The following EPHX1 variants were observed in gnomAD, a reference collection of about 807,000 sequenced individuals.
EPHX1 encodes the protein epoxide hydrolase 1, also known as epoxide hydratase.
In EPHX1, 40 loss-of-function variants were observed where a neutral mutation model predicts 43.2. That is an observed-to-expected ratio of 0.93 (90% CI 0.72 to 1.21). EPHX1 has a LOEUF of 1.21. Ranked by LOEUF, EPHX1 falls within the 50% of genes most tolerant of loss-of-function variation. The pLI is 0.00. For missense variants in EPHX1, 550 were observed against 570.4 expected, an observed-to-expected ratio of 0.96 and a Z score of 0.36; for synonymous variants, 221 against 226.7, an observed-to-expected ratio of 0.98 and a Z score of 0.22.
intron 1 of EPHX1, among the ~76,000 whole-genome samples, chr1:225,825,164 G>A (rs879422721): frequency 6.6e-6 from 1 of 152,202 alleles, no homozygotes; most frequent in Non-Finnish European, 1.5e-5. Flanking sequence ...CCTTCTTTTA[G>A]ATGGGACTCG....
chr1:225,829,384 T>C (rs2102718729), intron 2 of EPHX1, among the ~76,000 whole-genome samples: 1 of 152,314 alleles, frequency 6.6e-6, no homozygotes, highest in South Asian at 2.1e-4. Context: ...GTGAGGATTG[T>C]TGTTCCCAAA....
At position 225,831,799 on chromosome 1, in the gene EPHX1, T is replaced by A; in HGVS notation, c.204T>A (p.Asp68Glu). The A allele has an allele frequency of 6.2e-7, 1 of 1,614,122 alleles. No homozygotes were observed. Among genetic ancestry groups the A allele is most frequent in the Non-Finnish European group, 8.5e-7 (1 of 1,180,032 alleles). The change falls in exon 3 of 9, where the codon GAT (aspartate) becomes GAA (glutamate). Residue 68 changes from aspartate to glutamate, a missense_variant. Asp to Glu is a conservative substitution (Grantham distance 45, BLOSUM62 2). Transcript: ENST00000272167. ...EEIHDLHQRIDKFRFTPPLED... is the reference protein window; with the variant it reads ...EEIHDLHQRIEKFRFTPPLED... ...TCCAGGACTTACACCAGAGGATCGATAAGTTCCGTTTCACCCCACCTTTGG... is the reference window on the plus strand; with the variant it reads ...TCCAGGACTTACACCAGAGGATCGAAAAGTTCCGTTTCACCCCACCTTTGG...
chr1:225,829,041 G>T (rs995799714), intron 2 of EPHX1, 129 bp downstream of exon 2: 6 of 1,128,192 alleles, frequency 5.3e-6, no homozygotes, highest in Non-Finnish European at 6.3e-6. Context: ...TTGGGAGTGT[G>T]TTTCAGTCTG....
At chr1:225,842,160 C>G (rs1005474591) in intron 6 of EPHX1, among the ~76,000 whole-genome samples, 1 of 152,226 alleles carries the variant, frequency 6.6e-6, no homozygotes, top group Non-Finnish European at 1.5e-5. Flanking sequence ...GGGAAGGTAT[C>G]GTCCCTGTTT....
chr1:225,842,531 C>T (rs1247906635), intron 7 of EPHX1, 57 bp downstream of exon 7: 1 of 1,187,982 alleles, frequency 8.4e-7, no homozygotes, highest in African/African-American at 1.5e-5. Context: ...CCAACCTCCT[C>T]ACCCTCTTCA....
intron 1 of EPHX1, among the ~76,000 whole-genome samples, chr1:225,821,130 G>A (rs570691351): frequency 6.6e-6 from 1 of 152,196 alleles, no homozygotes; most frequent in South Asian, 2.1e-4. Context: ...AAAATGAATT[G>A]TATGTTTTAA....
intron 1 of EPHX1, among the ~76,000 whole-genome samples, chr1:225,823,880 T>C (rs1667100683): frequency 6.6e-6 from 1 of 152,176 alleles, no homozygotes; most frequent in Admixed American, 6.5e-5. Context: ...TTGTCGGAGA[T>C]CTGGCCAGGC....
chr1:225,814,384 G>A (rs1451610753), intron 1 of EPHX1, among the ~76,000 whole-genome samples: 14 of 152,206 alleles, frequency 9.2e-5, no homozygotes, highest in Non-Finnish European at 2.1e-4. Flanking sequence ...TTTTTAAAAA[G>A]AAAAACTACC....
intron 3 of EPHX1, among the ~76,000 whole-genome samples, chr1:225,834,459 G>A (rs1667848443): frequency 6.6e-6 from 1 of 151,972 alleles, no homozygotes; most frequent in Non-Finnish European, 1.5e-5. Flanking sequence ...AGGTGCCAGG[G>A]CAGCAAACAT....
intron 5 of EPHX1, 51 bp from the exon 6 acceptor site, chr1:225,839,778 C>T: frequency 6.3e-7 from 1 of 1,581,076 alleles, no homozygotes; most frequent in East Asian, 2.2e-5. Context: ...TCCTCTCTCC[C>T]TGTCCTTGAC....
intron 3 of EPHX1, chr1:225,832,163 C>A: frequency 1.6e-6 from 1 of 611,250 alleles, no homozygotes; most frequent in Non-Finnish European, 2.9e-6. Flanking sequence ...TAGGCAGGAA[C>A]ACATACATGC....
chr1:225,839,722 C>CT (rs923005603), intron 5 of EPHX1, 107 bp from the exon 6 acceptor site: 15 of 1,234,664 alleles, frequency 1.2e-5, no homozygotes, highest in Non-Finnish European at 1.8e-5. Context: ...AAGAGGCTGG[C>CT]TCTGTGCTCG....
chr1:225,828,351 AAAC>A (rs1012028324), intron 1 of EPHX1, among the ~76,000 whole-genome samples: 9 of 151,696 alleles, frequency 5.9e-5, no homozygotes, highest in Admixed American at 2.0e-4. Context: ...TCAAAAAAAA[AAAC>A]AACATGAGGC....
At chr1:225,844,399 G>A (rs528590534) in intron 7 of EPHX1, 99 bp from the exon 8 acceptor site, 278 of 1,587,688 alleles carry the variant, frequency 1.8e-4, no homozygotes, top group South Asian at 1.4e-3. Context: ...GAGGGAAGCC[G>A]CATGGGCAGG....
At chr1:225,833,810 A>T (rs1194491636) in intron 3 of EPHX1, among the ~76,000 whole-genome samples, 1 of 130,768 alleles carries the variant, frequency 7.6e-6, no homozygotes, top group Non-Finnish European at 1.6e-5. Context: ...AAAAAAAAAA[A>T]AAACAGGCTG....
intron 7 of EPHX1, 42 bp downstream of exon 7, chr1:225,842,516 AG>A (rs1449989925): frequency 7.2e-7 from 1 of 1,386,942 alleles, no homozygotes; most frequent in Admixed American, 1.7e-5. Context: ...CCCTGGTCCC[AG>A]CAGCCAACCT....
At chr1:225,830,189 G>A (rs901109096) in intron 2 of EPHX1, among the ~76,000 whole-genome samples, 1 of 152,220 alleles carries the variant, frequency 6.6e-6, no homozygotes, top group Admixed American at 6.5e-5. Context: ...AAACCCAAGA[G>A]CAACCAGGCT....
intron 1 of EPHX1, among the ~76,000 whole-genome samples, chr1:225,818,512 A>AG (rs572364643): frequency 7.7e-4 from 118 of 152,294 alleles, no homozygotes; most frequent in African/African-American, 2.7e-3. Context: ...TGGGAAGGGG[A>AG]GGGAATAGCT....
intron 8 of EPHX1, 92 bp downstream of exon 8, chr1:225,844,715 G>A (rs1668782314): frequency 6.4e-7 from 1 of 1,570,076 alleles, no homozygotes; most frequent in Non-Finnish European, 8.6e-7. Flanking sequence ...TTGGTGGTGG[G>A]ATAAGTATAG....
Sources: allele counts gnomAD v4.1 joint callset (sites outside exome capture counted in the v4.1 genomes callset), GRCh38; gene constraint gnomAD v4.1.1; transcripts MANE v1.5; gene names NCBI Gene and HGNC (gene_info 2026-07-23, HGNC 2026-07-21).